Variants in FLT3 observed in about 807,000 individuals in gnomAD.
FLT3 encodes the protein fms related receptor tyrosine kinase 3.
Under a neutral mutation model 126.6 loss-of-function variants are expected in FLT3, and 46 were observed. The ratio of observed to expected loss-of-function variants is 0.36; its 90% CI spans 0.29 to 0.46. The LOEUF is 0.46. Among genes scored for constraint, FLT3 ranks in the 20% least tolerant of loss-of-function variants. The probability of loss-of-function intolerance (pLI) is 1.00; values close to 1 mark genes in which losing one functional copy is unlikely to be tolerated. For synonymous variants in FLT3, 404 were observed against 434.4 expected, an observed-to-expected ratio of 0.93 and a Z score of 0.87; for missense variants, 1,069 against 1,190.3, an observed-to-expected ratio of 0.90 and a Z score of 1.50.
intron 3 of FLT3, among the ~76,000 whole-genome samples, chr13:28,060,763 C>G (rs1876484477): frequency 6.6e-6 from 1 of 151,840 alleles, no homozygotes; most frequent in Non-Finnish European, 1.5e-5. Context: ...CACCACTATG[C>G]CAGGCTAATT....
At chr13:28,044,282 C>T (rs1327251642) in intron 9 of FLT3, among the ~76,000 whole-genome samples, 1 of 151,896 alleles carries the variant, frequency 6.6e-6, no homozygotes. Context: ...AACCCCGTCT[C>T]TACTAAAAAT....
intron 15 of FLT3, 61 bp downstream of exon 15, chr13:28,033,826 G>C: frequency 8.3e-7 from 1 of 1,197,700 alleles, no homozygotes; most frequent in African/African-American, 1.5e-5. Flanking sequence ...GAAGGCATGG[G>C]TGGGAAACTG....
Position 28,050,244 on chromosome 13 carries a change from C to T in FLT3, c.615-22G>A, listed in dbSNP as rs775945126. Reference sequence around the variant, plus strand: ...ACAGCTGCAATTAGAAAAGAAGTACCATTTGGCTAAACAAGTTTTAAAATT... The same window carrying T: ...ACAGCTGCAATTAGAAAAGAAGTACTATTTGGCTAAACAAGTTTTAAAATT... On this transcript the variant is annotated intron_variant, in intron 5 of 23. Coordinates refer to ENST00000241453, the MANE Select transcript of FLT3 (RefSeq NM_004119.3). 1.9e-6 allele frequency: 3 copies of T among 1,612,440 alleles called. No homozygotes were observed. The South Asian group carries it at 3.3e-5, about 18-fold the overall frequency.
Position 28,023,466 on chromosome 13 carries a change from ATTCAAT to A in FLT3, c.2296_2301del (p.Ile766_Glu767del). On this transcript the variant is annotated inframe_deletion, in exon 19 of 24. Coordinates refer to ENST00000241453, the MANE Select transcript of FLT3 (RefSeq NM_004119.3). ...TCTTCCAGCCTTTTTTGGTTTTCAT[ATTCAAT>A]TTCATCTGTAAAATAGAGCCAGTCT... 6.2e-7 allele frequency: 1 copy of A among 1,613,802 alleles called. No individual in the cohort carries two copies. Among genetic ancestry groups the A allele is most frequent in the Non-Finnish European group, 8.5e-7 (1 of 1,179,944 alleles).
intron 1 of FLT3, among the ~76,000 whole-genome samples, chr13:28,091,376 C>A (rs551616574): frequency 1.3e-5 from 2 of 149,404 alleles, no homozygotes; most frequent in Non-Finnish European, 1.5e-5. Flanking sequence ...CGCCCGCCAC[C>A]ACGCCCGGCT....
At chr13:28,037,090 C>A in intron 10 of FLT3, 95 bp downstream of exon 10, 3 of 718,174 alleles carry the variant, frequency 4.2e-6, no homozygotes, top group Non-Finnish European at 7.3e-6. Context: ...TTTGTAGTAG[C>A]CCTTCTAAGC....
At chr13:28,031,600 C>T (rs1438299496) in intron 15 of FLT3, among the ~76,000 whole-genome samples, 1 of 152,076 alleles carries the variant, frequency 6.6e-6, no homozygotes, top group Non-Finnish European at 1.5e-5. Flanking sequence ...ATTGCAAGGG[C>T]CTCAATATTG....
intron 9 of FLT3, among the ~76,000 whole-genome samples, chr13:28,044,987 A>T (rs1874726778): frequency 6.6e-6 from 1 of 152,220 alleles, no homozygotes; most frequent in South Asian, 2.1e-4. Context: ...CTCCCTGGTG[A>T]GATGTGACAT....
Position 28,007,667 on chromosome 13 carries a change from T to C in FLT3, c.2860-3493A>G, listed in dbSNP as rs573105423. On this transcript the variant is annotated intron_variant, in intron 23 of 23. Coordinates refer to ENST00000241453, the MANE Select transcript of FLT3 (RefSeq NM_004119.3). ...CACTCAGACTGCTGTATTCAAATCC[T>C]AAGTCTGACATTTACCATGTTACCT... Among the ~76,000 whole-genome samples, 9 of 152,362 alleles carry C rather than the reference T, an allele frequency of 5.9e-5. No individual in the cohort carries two copies. The East Asian group carries it at 1.5e-3, about 26-fold the overall frequency.
rs555578852 is a variant in FLT3, at chr13:28,089,090, G to A, written c.43+11378C>T. Among the ~76,000 whole-genome samples, 19 of 152,238 alleles carry A rather than the reference G, an allele frequency of 1.2e-4. No homozygotes were observed. In the South Asian group the frequency reaches 3.7e-3, roughly 30 times the overall value. Reference sequence around the variant, plus strand: ...AATATAGGATGACAATTAAACACATGAAAAGATGCTTAACATCATTAGTCA... The same window carrying A: ...AATATAGGATGACAATTAAACACATAAAAAGATGCTTAACATCATTAGTCA... On this transcript the variant is annotated intron_variant, in intron 1 of 23. Coordinates refer to ENST00000241453, the MANE Select transcript of FLT3 (RefSeq NM_004119.3).
intron 1 of FLT3, among the ~76,000 whole-genome samples, chr13:28,076,698 T>C (rs1160053465): frequency 6.6e-6 from 1 of 151,950 alleles, no homozygotes; most frequent in African/African-American, 2.4e-5. Context: ...GAGGCCAAGG[T>C]GGGAGGATTG....
intron 1 of FLT3, among the ~76,000 whole-genome samples, chr13:28,085,548 T>C (rs1878623050): frequency 6.6e-6 from 1 of 152,066 alleles, no homozygotes; most frequent in Non-Finnish European, 1.5e-5. Context: ...TGAATATAAT[T>C]GTGTATTTGT....
rs144224201 is a variant in FLT3, at chr13:28,053,956, T to G, written c.485-1282A>C. 7.4e-3 allele frequency among the ~76,000 whole-genome samples: 1,123 copies of G among 152,200 alleles called. 6 individuals carry two copies. Among genetic ancestry groups the G allele is most frequent in the Non-Finnish European group, 0.013 (859 of 68,004 alleles). On this transcript the variant is annotated intron_variant, in intron 4 of 23. Coordinates refer to ENST00000241453, the MANE Select transcript of FLT3 (RefSeq NM_004119.3). ...CTCAACCTCCCAGGCTCAAGTGATC[T>G]TCCTGCCTTGGCCTCCCAAAGTGCT...
At chr13:28,098,373 G>A (rs1178831976) in intron 1 of FLT3, among the ~76,000 whole-genome samples, 3 of 150,096 alleles carry the variant, frequency 2.0e-5, no homozygotes, top group East Asian at 3.9e-4. Context: ...GGGATCCCAT[G>A]TTCTAATTCA....
intron 5 of FLT3, 117 bp downstream of exon 5, chr13:28,052,428 A>G (rs1210006631): frequency 3.6e-6 from 4 of 1,121,812 alleles, no homozygotes; most frequent in Non-Finnish European, 5.1e-6. Context: ...TTAAGAAGCC[A>G]AAGTTTCCTG....
Position 28,024,925 on chromosome 13 carries a change from T to C in FLT3, c.2226A>G (p.Glu742=), listed in dbSNP as rs746353646. ...GATCCGAGTCCGGGTGTATCTGAAC[T>C]TCTCTTGAACCAGGCATGCTATTAA... The part of the protein sequence containing the change: ...HPNSSMPGSR[E]VQIHPDSDQI... Residue 742 remains glutamate (E), a synonymous_variant, in exon 18 of 24, where the codon GAA becomes GAG. Coordinates refer to ENST00000241453, the MANE Select transcript of FLT3 (RefSeq NM_004119.3). The C allele has an allele frequency of 2.5e-6, 4 of 1,611,018 alleles. No individual in the cohort carries two copies. The South Asian group carries it at 4.4e-5, about 18-fold the overall frequency.
intron 4 of FLT3, among the ~76,000 whole-genome samples, chr13:28,055,914 T>C (rs1369349574): frequency 6.6e-6 from 1 of 152,174 alleles, no homozygotes; most frequent in East Asian, 1.9e-4. Context: ...GCAGGGAACA[T>C]GACCGACATT....
chr13:28,074,611 T>C (rs1313118747), intron 1 of FLT3, among the ~76,000 whole-genome samples: 1 of 152,056 alleles, frequency 6.6e-6, no homozygotes, highest in Non-Finnish European at 1.5e-5. Flanking sequence ...TTCTAATAAG[T>C]GTGTTGTATC....
rs1262259023 is a variant in FLT3, at chr13:28,015,216, G to A, written c.2694C>T (p.Phe898=). Residue 898 remains phenylalanine (F), a synonymous_variant, in exon 22 of 24, where the codon TTC becomes TTT. Coordinates refer to ENST00000241453, the MANE Select transcript of FLT3 (RefSeq NM_004119.3). ...TAAATCCATTTTGAATCAGTTTGTA[G>A]AAGTTAGCATCAACCGGAATGCCAG... ...PYPGIPVDAN[F]YKLIQNGFKM... The A allele has an allele frequency of 6.2e-7, 1 of 1,612,790 alleles. No homozygotes were observed. The highest frequency in any genetic ancestry group is 8.5e-7 in the Non-Finnish European group (1 of 1,178,912).
Sources: allele counts gnomAD v4.1 joint callset (sites outside exome capture counted in the v4.1 genomes callset), GRCh38; gene constraint gnomAD v4.1.1; transcripts MANE v1.5; gene names NCBI Gene and HGNC (gene_info 2026-07-23, HGNC 2026-07-21).